TMEM132D: variants seen among roughly 807,000 people sequenced by gnomAD.
The protein encoded by TMEM132D is transmembrane protein 132D, also known as mature OL transmembrane protein.
A neutral mutation model predicts 62.3 loss-of-function variants in TMEM132D; 21 were observed. That is an observed-to-expected ratio of 0.34 (90% confidence interval 0.24 to 0.49). TMEM132D has a LOEUF of 0.49. Among genes scored for constraint, TMEM132D ranks in the 20% least tolerant of loss-of-function variants. The pLI is 0.99. For missense variants in TMEM132D, 1,346 were observed against 1,402.8 expected (o/e 0.96, Z 0.65); for synonymous variants, 621 against 575.6 (o/e 1.08, Z -1.13).
intron 3 of TMEM132D, among the ~76,000 whole-genome samples, chr12:129,485,749 T>C (rs1388099273): frequency 6.6e-6 from 1 of 152,218 alleles, no homozygotes; most frequent in African/African-American, 2.4e-5. Context: ...CTGGTTCTTC[T>C]GGGGCCAGCA....
At chr12:129,213,147 C>T (rs748133224) in intron 4 of TMEM132D, among the ~76,000 whole-genome samples, 7 of 152,106 alleles carry the variant, frequency 4.6e-5, no homozygotes, top group Non-Finnish European at 1.0e-4. Context: ...ATGTATTTCA[C>T]GACATATATT....
intron 1 of TMEM132D, among the ~76,000 whole-genome samples, chr12:129,806,002 C>T (rs1425522937): frequency 8.3e-6 from 1 of 121,182 alleles, no homozygotes; most frequent in African/African-American, 3.2e-5. Flanking sequence ...GATACCATCT[C>T]ACACCAGTTA....
intron 3 of TMEM132D, among the ~76,000 whole-genome samples, chr12:129,431,440 G>A (rs1477337336): frequency 1.3e-5 from 2 of 152,096 alleles, no homozygotes; most frequent in African/African-American, 2.4e-5. Flanking sequence ...CCAGATGCTC[G>A]AAGTGTCTCT....
At position 129,755,650 on chromosome 12, in the gene TMEM132D, A is replaced by G. The variant is rs971322197; in HGVS notation, c.80-54952T>C. 3.3e-5 allele frequency among the ~76,000 whole-genome samples: 5 copies of G among 152,218 alleles called. No homozygotes were observed. In the East Asian group the frequency reaches 7.7e-4, roughly 23 times the overall value. ...ATTATTAGGTGAAGAAAGAAAGTAGACTGTTTCTCTAGCACCCTGTCATTA... is the reference window on the plus strand; with the variant it reads ...ATTATTAGGTGAAGAAAGAAAGTAGGCTGTTTCTCTAGCACCCTGTCATTA... On this transcript the variant is annotated intron_variant, in intron 1 of 8. Transcript: ENST00000422113.
chr12:129,747,847 C>G, intron 1 of TMEM132D, among the ~76,000 whole-genome samples: 1 of 83,678 alleles, frequency 1.2e-5, no homozygotes, highest in South Asian at 5.0e-4. Context: ...TTCAGACACA[C>G]ACAGACACAC....
At chr12:129,883,212 C>A (rs1874657321) in intron 1 of TMEM132D, among the ~76,000 whole-genome samples, 1 of 152,104 alleles carries the variant, frequency 6.6e-6, no homozygotes, top group Non-Finnish European at 1.5e-5. Context: ...ATACAAAACT[C>A]AATTGCATAT....
At chr12:129,786,507 G>C (rs540405814) in intron 1 of TMEM132D, among the ~76,000 whole-genome samples, 1 of 152,320 alleles carries the variant, frequency 6.6e-6, no homozygotes, top group South Asian at 2.1e-4. Flanking sequence ...ACCTTCATGG[G>C]TATTACGTGT....
At chr12:129,652,971 G>A (rs207473536) in intron 2 of TMEM132D, among the ~76,000 whole-genome samples, 10 of 152,304 alleles carry the variant, frequency 6.6e-5, no homozygotes, top group South Asian at 6.2e-4. Context: ...ACAATCGTAC[G>A]TATTTAAAAT....
chr12:129,572,700 C>T (rs375789022), intron 2 of TMEM132D, among the ~76,000 whole-genome samples: 1 of 152,110 alleles, frequency 6.6e-6, no homozygotes, highest in East Asian at 2.0e-4. Flanking sequence ...CTGCCCGCCT[C>T]GGCTTCCCAA....
intron 5 of TMEM132D, among the ~76,000 whole-genome samples, chr12:129,131,598 ACT>A (rs1397688370): frequency 1.3e-5 from 2 of 150,792 alleles, no homozygotes; most frequent in Non-Finnish European, 3.0e-5. Flanking sequence ...ACAGAGTGAG[ACT>A]CTGTCTAAAA....
At chr12:129,127,279 T>C (rs889707435) in intron 5 of TMEM132D, among the ~76,000 whole-genome samples, 5 of 152,226 alleles carry the variant, frequency 3.3e-5, no homozygotes, top group African/African-American at 1.2e-4. Flanking sequence ...TAACGCACAT[T>C]GTGGAACATT....
chr12:129,773,077 G>A (rs552839822), intron 1 of TMEM132D, among the ~76,000 whole-genome samples: 2 of 152,298 alleles, frequency 1.3e-5, no homozygotes, highest in Non-Finnish European at 2.9e-5. Flanking sequence ...CTGCTTTTCT[G>A]GGCAGCAGCC....
intron 2 of TMEM132D, among the ~76,000 whole-genome samples, chr12:129,591,594 C>A (rs1878192461): frequency 6.6e-6 from 1 of 150,920 alleles, no homozygotes; most frequent in African/African-American, 2.4e-5. Flanking sequence ...TACATTCACT[C>A]AACATATATT....
intron 3 of TMEM132D, among the ~76,000 whole-genome samples, chr12:129,510,070 G>A (rs1326820621): frequency 1.3e-5 from 2 of 152,190 alleles, no homozygotes; most frequent in East Asian, 1.9e-4. Context: ...TGGCTGTATT[G>A]ATTTACATTC....
chr12:129,655,756 G>A (rs548357831), intron 2 of TMEM132D, among the ~76,000 whole-genome samples: 27 of 152,198 alleles, frequency 1.8e-4, no homozygotes, highest in Middle Eastern at 3.4e-3. Flanking sequence ...CTGTTGAACC[G>A]GAAAATAGCA....
Position 129,903,142 on chromosome 12 carries a change from C to T in TMEM132D, c.79+119G>A, listed in dbSNP as rs1875424076. On this transcript the variant is annotated intron_variant, in intron 1 of 8. Transcript: ENST00000422113. The surrounding 1 kb of genome is among the most constrained non-coding windows in gnomAD (Gnocchi z 6.2). ...GCGCGCACACACACATGCACACAAG[C>T]GCGCACACACACTTGCACACGAGCC... 5.6e-6 allele frequency: 6 copies of T among 1,069,906 alleles called. No homozygotes were observed. The highest frequency in any genetic ancestry group is 8.2e-6 in the Non-Finnish European group (6 of 728,584). 66.3% of individuals were successfully genotyped at this position (1,069,906 alleles called of 1,614,324 possible).
Position 129,537,551 on chromosome 12 carries a change from T to G in TMEM132D, c.969-6346A>C, listed in dbSNP as rs1277620325. 3.3e-5 allele frequency among the ~76,000 whole-genome samples: 5 copies of G among 152,212 alleles called. No individual in the cohort carries two copies. The East Asian group carries it at 7.7e-4, about 23-fold the overall frequency. On this transcript the variant is annotated intron_variant, in intron 2 of 8. Coordinates refer to ENST00000422113, the MANE Select transcript of TMEM132D (RefSeq NM_133448.3). ...CAGCTCTAAGTGTTCATACCTTCAC[T>G]TGTACAAGGGAATCTGTTTTCCCAC...
At chr12:129,248,760 C>T (rs1484747732) in intron 4 of TMEM132D, among the ~76,000 whole-genome samples, 1 of 152,140 alleles carries the variant, frequency 6.6e-6, no homozygotes, top group Non-Finnish European at 1.5e-5. Flanking sequence ...CCTCTCTGTG[C>T]CCATCTGTTG....
chr12:129,251,044 T>C (rs1473876026), intron 4 of TMEM132D, among the ~76,000 whole-genome samples: 1 of 152,058 alleles, frequency 6.6e-6, no homozygotes. Context: ...ATGCTAAAAT[T>C]TGGAAACACT....
Sources: allele counts gnomAD v4.1 joint callset (sites outside exome capture counted in the v4.1 genomes callset), GRCh38; gene constraint gnomAD v4.1.1; non-coding constraint Gnocchi (gnomAD v3.1); transcripts MANE v1.5; gene names NCBI Gene and HGNC (gene_info 2026-07-23, HGNC 2026-07-21).